Variants in SEMA3D observed in about 807,000 individuals in gnomAD.
SEMA3D encodes the protein semaphorin-3D.
In SEMA3D, 84 loss-of-function variants were observed where a neutral mutation model predicts 100.1. The observed-to-expected ratio is 0.84, with a 90% confidence interval of 0.70 to 1.01. The LOEUF (loss-of-function observed/expected upper bound fraction) is 1.01. Ranked by LOEUF, SEMA3D falls within the 50% of genes least tolerant of loss-of-function variation. The probability of loss-of-function intolerance (pLI) is 0.00; values close to 1 mark genes in which losing one functional copy is unlikely to be tolerated. For missense variants in SEMA3D, 875 were observed against 934.1 expected (o/e 0.94, Z 0.82); for synonymous variants, 312 against 320.7 (o/e 0.97, Z 0.29).
upstream of SEMA3D, among the ~76,000 whole-genome samples, chr7:85,188,563 G>A (rs987627776): frequency 2.0e-5 from 3 of 152,016 alleles, no homozygotes; most frequent in African/African-American, 4.8e-5. Context: ...CAATGTCATT[G>A]TGCAAATAAA....
intron 1 of SEMA3D, among the ~76,000 whole-genome samples, chr7:85,162,236 A>G (rs1790767420): frequency 6.6e-6 from 1 of 152,104 alleles, no homozygotes; most frequent in Non-Finnish European, 1.5e-5. Flanking sequence ...GCATCCTCCA[A>G]CTGCCCAACA....
At chr7:85,181,984 T>C (rs1791423405) in intron 1 of SEMA3D, among the ~76,000 whole-genome samples, 2 of 152,358 alleles carry the variant, frequency 1.3e-5, no homozygotes, top group African/African-American at 4.8e-5. Flanking sequence ...TATGTATAAA[T>C]GTCTACTAAT....
chr7:85,203,241 G>A, the SEMA3D span, among the ~76,000 whole-genome samples: 4 of 152,124 alleles, frequency 2.6e-5, no homozygotes, highest in Admixed American at 6.5e-5. Flanking sequence ...AGCATCTTGT[G>A]TGTTTCTGTC....
the SEMA3D span, among the ~76,000 whole-genome samples, chr7:85,222,006 A>T: frequency 6.6e-6 from 1 of 152,100 alleles, no homozygotes; most frequent in South Asian, 2.1e-4. Flanking sequence ...GGCTGCAGTG[A>T]GGTTTAGAAA....
chr7:85,186,049 A>T (rs927467956), intron 1 of SEMA3D, among the ~76,000 whole-genome samples: 1 of 152,140 alleles, frequency 6.6e-6, no homozygotes, highest in Non-Finnish European at 1.5e-5. Context: ...ATCAGACGGA[A>T]CGTCGCGATT....
In SEMA3D at chr7:85,015,228, G is replaced by A. The variant is rs1218954893; in HGVS notation, c.1546-12C>T. ...ATGTACAATTGTTGCTGCAAATCGGGCAAAACAAATGAATTAGAAGCATCT... is the reference window on the plus strand; with the variant it reads ...ATGTACAATTGTTGCTGCAAATCGGACAAAACAAATGAATTAGAAGCATCT... On this transcript the variant is annotated splice_polypyrimidine_tract_variant and intron_variant, in intron 15 of 18. Coordinates refer to ENST00000284136, the MANE Select transcript of SEMA3D (RefSeq NM_001384900.1). 2 of 1,600,102 alleles carry A rather than the reference G, an allele frequency of 1.2e-6. No individual in the cohort carries two copies. Among genetic ancestry groups the A allele is most frequent in the Admixed American group, 1.7e-5 (1 of 59,610 alleles).
At chr7:85,001,981 G>C (rs763011575) in intron 18 of SEMA3D, among the ~76,000 whole-genome samples, 2 of 152,046 alleles carry the variant, frequency 1.3e-5, no homozygotes, top group Non-Finnish European at 2.9e-5. Flanking sequence ...TCACAGCTCT[G>C]ACTAGGACTT....
intron 5 of SEMA3D, among the ~76,000 whole-genome samples, chr7:85,076,283 A>G (rs1272399174): frequency 6.6e-6 from 1 of 152,204 alleles, no homozygotes; most frequent in Non-Finnish European, 1.5e-5. Context: ...AAGAAGAGAG[A>G]AAGAACCAAA....
chr7:85,209,259 T>C, the SEMA3D span, among the ~76,000 whole-genome samples: 1 of 151,980 alleles, frequency 6.6e-6, no homozygotes, highest in African/African-American at 2.4e-5. Flanking sequence ...TACATATGTA[T>C]GTGAATATAT....
chr7:85,002,694 A>T (rs1789686396), intron 18 of SEMA3D, among the ~76,000 whole-genome samples: 1 of 152,196 alleles, frequency 6.6e-6, no homozygotes, highest in Non-Finnish European at 1.5e-5. Context: ...AAACTGCTCA[A>T]CTTTACAAAT....
the SEMA3D span, among the ~76,000 whole-genome samples, chr7:85,212,096 G>A: frequency 4.8e-3 from 723 of 152,126 alleles, 5 homozygotes; most frequent in African/African-American, 0.017. Context: ...TAAATACTTG[G>A]ATAGTCATGG....
At chr7:85,132,145 A>G (rs1033491005) in intron 2 of SEMA3D, among the ~76,000 whole-genome samples, 1 of 151,942 alleles carries the variant, frequency 6.6e-6, no homozygotes, top group African/African-American at 2.4e-5. Context: ...TTTACCAAGT[A>G]TATTTAGACA....
the SEMA3D span, among the ~76,000 whole-genome samples, chr7:85,231,554 C>T: frequency 6.6e-6 from 1 of 150,846 alleles, no homozygotes; most frequent in Non-Finnish European, 1.5e-5. Flanking sequence ...GGGTTCACGC[C>T]ATTCTCCTGC....
chr7:85,216,310 C>A, the SEMA3D span, among the ~76,000 whole-genome samples: 1 of 151,212 alleles, frequency 6.6e-6, no homozygotes, highest in Admixed American at 6.6e-5. Flanking sequence ...AATAATTTTA[C>A]ATGAAAAAAC....
intron 5 of SEMA3D, 86 bp downstream of exon 5, chr7:85,081,431 C>A: frequency 2.4e-6 from 2 of 825,350 alleles, no homozygotes; most frequent in Non-Finnish European, 2.1e-6. Flanking sequence ...ACACTAATAC[C>A]ATTAATTCAG....
At chr7:85,139,778 A>G (rs537252595) in intron 2 of SEMA3D, among the ~76,000 whole-genome samples, 22 of 152,120 alleles carry the variant, frequency 1.4e-4, no homozygotes, top group Admixed American at 6.6e-4. Context: ...ACCATTTTAA[A>G]ACTTATGAAA....
chr7:85,007,267 T>C (rs933916757), intron 17 of SEMA3D, among the ~76,000 whole-genome samples: 4 of 151,870 alleles, frequency 2.6e-5, no homozygotes, highest in African/African-American at 7.2e-5. Context: ...CATCTTTTAG[T>C]GCTTTAATAC....
At chr7:85,094,723 G>A (rs879252869) in intron 4 of SEMA3D, among the ~76,000 whole-genome samples, 1 of 151,884 alleles carries the variant, frequency 6.6e-6, no homozygotes, top group Admixed American at 6.6e-5. Flanking sequence ...TTGGGGGAAT[G>A]GACTGTCAAA....
At chr7:85,185,883 A>G (rs1583999298) in intron 1 of SEMA3D, among the ~76,000 whole-genome samples, 1 of 152,242 alleles carries the variant, frequency 6.6e-6, no homozygotes, top group African/African-American at 2.4e-5. Context: ...TTAAATGCCC[A>G]GCACGAGTCA....
Sources: allele counts gnomAD v4.1 joint callset (sites outside exome capture counted in the v4.1 genomes callset), GRCh38; gene constraint gnomAD v4.1.1; transcripts MANE v1.5; gene names NCBI Gene and HGNC (gene_info 2026-07-23, HGNC 2026-07-21).